The following PPP2R2B variants were observed in gnomAD, a reference collection of about 807,000 sequenced individuals.
PPP2R2B encodes serine/threonine-protein phosphatase 2A 55 kDa regulatory subunit B beta isoform.
In PPP2R2B, 5 loss-of-function variants were observed where a neutral mutation model predicts 46.0. That is an observed-to-expected ratio of 0.11 (90% CI 0.06 to 0.23). PPP2R2B has a LOEUF of 0.23. Among genes scored for constraint, PPP2R2B ranks in the 10% least tolerant of loss-of-function variants. The probability of loss-of-function intolerance (pLI) is 1.00; values close to 1 mark genes in which losing one functional copy is unlikely to be tolerated. For missense variants in PPP2R2B, 367 were observed against 575.0 expected (o/e 0.64, Z 3.70); for synonymous variants, 215 against 206.7 (o/e 1.04, Z -0.34).
intron 1 of PPP2R2B, among the ~76,000 whole-genome samples, chr5:146,945,355 T>C (rs1764447183): frequency 6.6e-6 from 1 of 152,110 alleles, no homozygotes; most frequent in African/African-American, 2.4e-5. Context: ...TAAAACTGGG[T>C]GGATAATTAT....
At chr5:146,874,988 C>T (rs1049817754) in intron 2 of PPP2R2B, among the ~76,000 whole-genome samples, 1 of 152,162 alleles carries the variant, frequency 6.6e-6, no homozygotes, top group Non-Finnish European at 1.5e-5. Flanking sequence ...AAAACCATTG[C>T]AATCTTTCCC....
chr5:146,665,056 A>G (rs1316141588), intron 5 of PPP2R2B, among the ~76,000 whole-genome samples: 5 of 152,164 alleles, frequency 3.3e-5, no homozygotes, highest in Non-Finnish European at 7.3e-5. Context: ...GGCAGAATAG[A>G]TTTAGTGTAA....
At chr5:146,618,440 A>T (rs1176233627) in intron 7 of PPP2R2B, among the ~76,000 whole-genome samples, 2 of 152,222 alleles carry the variant, frequency 1.3e-5, no homozygotes, top group African/African-American at 4.8e-5. Context: ...AACTGTAAGG[A>T]CGTTAATCAA....
chr5:146,741,030 C>T (rs948958142), intron 2 of PPP2R2B, among the ~76,000 whole-genome samples: 3 of 84,086 alleles, frequency 3.6e-5, no homozygotes, highest in Non-Finnish European at 8.2e-5. Flanking sequence ...AGCAAGACTC[C>T]GTCTCAAAAA....
chr5:146,812,813 A>ATATATATATATG (rs1757694121), intron 2 of PPP2R2B, among the ~76,000 whole-genome samples: 2 of 67,712 alleles, frequency 3.0e-5, no homozygotes, highest in Admixed American at 1.8e-4. Flanking sequence ...ATATATATAT[A>ATATATATATATG]TATATATATA....
chr5:146,791,390 TGC>T (rs1297581996), intron 2 of PPP2R2B, among the ~76,000 whole-genome samples: 2 of 152,164 alleles, frequency 1.3e-5, no homozygotes, highest in African/African-American at 4.8e-5. Flanking sequence ...CAGCCCAATC[TGC>T]TGTGTGTATG....
chr5:146,620,918 G>A (rs796781140), intron 7 of PPP2R2B, among the ~76,000 whole-genome samples: 12 of 152,322 alleles, frequency 7.9e-5, no homozygotes, highest in African/African-American at 2.6e-4. Flanking sequence ...CCATGGCACC[G>A]CAGAGGCCAG....
At chr5:146,925,482 T>C (rs1335902023) in intron 1 of PPP2R2B, among the ~76,000 whole-genome samples, 1 of 152,196 alleles carries the variant, frequency 6.6e-6, no homozygotes, top group Non-Finnish European at 1.5e-5. Context: ...CTGGCATCCA[T>C]GGTTTTAGAT....
At position 146,586,326 on chromosome 5, in the gene PPP2R2B, G is replaced by A. The variant is rs79651438; in HGVS notation, c.*3621C>T. ...CACCATTCAGGCTGTGGACTATAGT[G>A]TCATCCCTAAATCCTCATTATGAGG... On this transcript the variant is annotated 3_prime_UTR_variant, in exon 10 of 10. Transcript: ENST00000394411. 0.013 allele frequency: 1,914 copies of A among 152,288 alleles called. 43 individuals carry two copies. Among genetic ancestry groups the A allele is most frequent in the African/African-American group, 0.044 (1,826 of 41,544 alleles). 9.4% of individuals were successfully genotyped at this position (152,288 alleles called of 1,614,324 possible). A position where few individuals can be genotyped will look rare whatever the true frequency, so the allele number is the denominator to read the frequency against.
chr5:146,696,089 T>C (rs1009546282), intron 4 of PPP2R2B, among the ~76,000 whole-genome samples: 4 of 152,030 alleles, frequency 2.6e-5, no homozygotes, highest in Admixed American at 2.6e-4. Context: ...GCCAACAAAG[T>C]AGTTAATAAA....
At chr5:146,599,879 A>C (rs1190407923) in intron 8 of PPP2R2B, among the ~76,000 whole-genome samples, 1 of 151,970 alleles carries the variant, frequency 6.6e-6, no homozygotes, top group Non-Finnish European at 1.5e-5. Context: ...AAGAGCATGC[A>C]TTTCCTGACT....
chr5:146,908,777 C>CCCTCCCTT (rs200380168), intron 1 of PPP2R2B, among the ~76,000 whole-genome samples: 2,957 of 150,634 alleles, frequency 0.02, 83 homozygotes, highest in East Asian at 0.054. Flanking sequence ...TCCTTTCCCG[C>CCCTCCCTT]CCTCCCTTCC....
chr5:146,896,296 C>T (rs886567613), intron 1 of PPP2R2B, among the ~76,000 whole-genome samples: 2 of 152,152 alleles, frequency 1.3e-5, no homozygotes, highest in Admixed American at 6.5e-5. Context: ...TATCTCTCAC[C>T]ATCACCCTGA....
chr5:147,040,897 G>C (rs1756262515), intron 1 of PPP2R2B: 2 of 401,166 alleles, frequency 5.0e-6, no homozygotes, highest in Admixed American at 6.5e-5. Flanking sequence ...GTTCTCTCCT[G>C]AGGGCTTATC....
chr5:146,640,543 A>T (rs904718229), intron 6 of PPP2R2B, among the ~76,000 whole-genome samples: 5 of 152,120 alleles, frequency 3.3e-5, no homozygotes, highest in African/African-American at 1.2e-4. Context: ...CTGCTGTTAG[A>T]TTTCCTCATC....
chr5:146,793,334 G>C (rs1470165616), intron 2 of PPP2R2B, among the ~76,000 whole-genome samples: 2 of 152,174 alleles, frequency 1.3e-5, no homozygotes, highest in African/African-American at 2.4e-5. Flanking sequence ...TTTTGAAGCA[G>C]CAGTTGCATA....
intron 7 of PPP2R2B, among the ~76,000 whole-genome samples, chr5:146,619,752 C>T (rs562894974): frequency 1.1e-3 from 172 of 152,222 alleles, no homozygotes; most frequent in Non-Finnish European, 2.0e-3. Flanking sequence ...GGGGCTGGAT[C>T]CATGCTCCTT....
At chr5:146,748,014 A>C (rs999352300) in intron 2 of PPP2R2B, among the ~76,000 whole-genome samples, 3 of 152,184 alleles carry the variant, frequency 2.0e-5, no homozygotes, top group Non-Finnish European at 4.4e-5. Flanking sequence ...TATGTGGTAC[A>C]GTGACAGCCA....
At chr5:146,880,207 G>GTGTT (rs1762121116), upstream of PPP2R2B, among the ~76,000 whole-genome samples, 1 of 151,768 alleles carries the variant, frequency 6.6e-6, no homozygotes, top group Admixed American at 6.6e-5. Flanking sequence ...GTGTGTGTGT[G>GTGTT]TGTGTGTGTG....
Sources: gnomAD v4.1 joint callset for allele counts (sites outside exome capture counted in the v4.1 genomes callset) on GRCh38, gnomAD v4.1.1 for gene constraint, MANE v1.5 for transcripts, NCBI Gene and HGNC (gene_info 2026-07-23, HGNC 2026-07-21) for gene names.